The following KAZN variants were observed in gnomAD, a reference collection of about 807,000 sequenced individuals.
KAZN encodes kazrin, periplakin interacting protein, also known as kazrin.
Under a neutral mutation model 87.4 loss-of-function variants are expected in KAZN, and 40 were observed. The ratio of observed to expected loss-of-function variants is 0.46; its 90% CI spans 0.36 to 0.60. KAZN has a LOEUF of 0.60. KAZN is among the 20% of genes least tolerant of loss of function. KAZN has a pLI of 0.00. For synonymous variants in KAZN, 466 were observed against 458.3 expected, an observed-to-expected ratio of 1.02 and a Z score of -0.22; for missense variants, 898 against 1,073.9, an observed-to-expected ratio of 0.84 and a Z score of 2.29.
Position 14,797,520 on chromosome 1 carries a change from C to T in KAZN, c.227-163164C>T, listed in dbSNP as rs1162558449. On this transcript the variant is annotated intron_variant, in intron 1 of 14. Coordinates refer to ENST00000376030, the MANE Select transcript of KAZN (RefSeq NM_201628.3). ...TGTTGGAACCAAGAATGTTAAAAGG[C>T]CAAGTGAAGAGTTAAAGAGTTAAAA... Among the ~76,000 whole-genome samples the T allele has an allele frequency of 5.3e-5, 8 of 152,232 alleles. 1 individual carries two copies. The South Asian group carries it at 1.5e-3, about 28-fold the overall frequency.
intron 2 of KAZN, among the ~76,000 whole-genome samples, chr1:14,249,871 A>G: frequency 6.6e-6 from 1 of 151,500 alleles, no homozygotes; most frequent in East Asian, 1.9e-4. Context: ...ACTAAGTGAA[A>G]AAAAAAACAG....
chr1:14,108,966 G>T (rs1460543976), intron 1 of KAZN, among the ~76,000 whole-genome samples: 1 of 152,200 alleles, frequency 6.6e-6, no homozygotes, highest in East Asian at 1.9e-4. Flanking sequence ...AAAATCGTGT[G>T]TATGAGTGTT....
chr1:14,509,908 C>T (rs1670810241), intron 2 of KAZN, among the ~76,000 whole-genome samples: 1 of 152,124 alleles, frequency 6.6e-6, no homozygotes, highest in Non-Finnish European at 1.5e-5. Flanking sequence ...ATGGAGCAAG[C>T]CATGCAAAAG....
At chr1:14,701,074 C>G (rs1641894394) in intron 1 of KAZN, among the ~76,000 whole-genome samples, 1 of 152,194 alleles carries the variant, frequency 6.6e-6, no homozygotes, top group Non-Finnish European at 1.5e-5. Context: ...TGGCCCCCAC[C>G]ATGCTCATTA....
intron 2 of KAZN, among the ~76,000 whole-genome samples, chr1:14,500,670 T>C (rs114871508): frequency 0.019 from 2,824 of 151,988 alleles, 50 homozygotes; most frequent in African/African-American, 0.031. Context: ...GTGGGTTCTT[T>C]CAAAAGATCA....
At chr1:14,400,665 T>C (rs2101131010) in intron 2 of KAZN, among the ~76,000 whole-genome samples, 1 of 152,296 alleles carries the variant, frequency 6.6e-6, no homozygotes, top group African/African-American at 2.4e-5. Context: ...AAGTATGTAA[T>C]GTGGAAGCTT....
chr1:14,722,586 T>A (rs925053668), intron 1 of KAZN, among the ~76,000 whole-genome samples: 3 of 152,234 alleles, frequency 2.0e-5, no homozygotes, highest in Non-Finnish European at 4.4e-5. Context: ...CCAATGAGCA[T>A]ACCTTTGTAA....
intron 1 of KAZN, among the ~76,000 whole-genome samples, chr1:14,669,008 G>A (rs1639748863): frequency 6.6e-6 from 1 of 152,200 alleles, no homozygotes; most frequent in African/African-American, 2.4e-5. Context: ...TGGACAAAGG[G>A]GGATTTTCAA....
At chr1:14,808,500 G>A (rs1646299698) in intron 1 of KAZN, among the ~76,000 whole-genome samples, 1 of 150,958 alleles carries the variant, frequency 6.6e-6, no homozygotes, top group Non-Finnish European at 1.5e-5. Flanking sequence ...GTTTCACCAT[G>A]TTGGCTGGGC....
intron 1 of KAZN, among the ~76,000 whole-genome samples, chr1:14,058,688 C>T (rs1642673808): frequency 6.6e-6 from 1 of 152,100 alleles, no homozygotes; most frequent in Admixed American, 6.5e-5. Context: ...AACAAATAAA[C>T]TGTGGTGTAT....
chr1:13,982,447 C>T (rs1213415225), intron 1 of KAZN, among the ~76,000 whole-genome samples: 1 of 152,186 alleles, frequency 6.6e-6, no homozygotes, highest in Non-Finnish European at 1.5e-5. Flanking sequence ...CTGAGTGTTA[C>T]AGCTCATAAA....
intron 1 of KAZN, among the ~76,000 whole-genome samples, chr1:13,914,014 C>T (rs1029750868): frequency 6.6e-6 from 1 of 152,182 alleles, no homozygotes; most frequent in Non-Finnish European, 1.5e-5. Flanking sequence ...GGGTGAGGCC[C>T]GGTAATCCGA....
chr1:14,768,042 C>A (rs989979885), intron 1 of KAZN, among the ~76,000 whole-genome samples: 1 of 152,090 alleles, frequency 6.6e-6, no homozygotes, highest in Non-Finnish European at 1.5e-5. Context: ...TTAATGCACG[C>A]GTATGTCGCC....
At chr1:14,958,787 C>G (rs1663486786) in intron 1 of KAZN, among the ~76,000 whole-genome samples, 1 of 152,202 alleles carries the variant, frequency 6.6e-6, no homozygotes, top group African/African-American at 2.4e-5. Flanking sequence ...GCCCTTGGCC[C>G]CTCCCCTGGT....
At position 13,901,592 on chromosome 1, in the gene KAZN, AG is replaced by A. The variant is rs537919149; in HGVS notation, c.91+7838del. ...ACCAATGAAAGGTTTGAAATTCCAG[AG>A]GCCAAACTCTCCAGCTGCGTCCTGC... On this transcript the variant is annotated intron_variant, in intron 1 of 16. Transcript: ENST00000636203. 2.0e-4 allele frequency among the ~76,000 whole-genome samples: 30 copies of A among 152,362 alleles called. No homozygotes were observed. The East Asian group carries it at 5.6e-3, about 28-fold the overall frequency.
rs189182628 is a variant in KAZN, at chr1:14,617,491, T to C, written c.226+18268T>C. Among the ~76,000 whole-genome samples the C allele has an allele frequency of 3.9e-5, 6 of 152,262 alleles. No individual in the cohort carries two copies. In the East Asian group the frequency reaches 1.2e-3, roughly 29 times the overall value. On this transcript the variant is annotated intron_variant, in intron 1 of 14. Coordinates refer to ENST00000376030, the MANE Select transcript of KAZN (RefSeq NM_201628.3). The stretch of plus-strand genomic sequence containing the variant: ...GAGGGGTTACCACAAACCTTTGATT[T>C]GTAAAAAACAAAAACAAAAACAAAA...
At chr1:14,151,388 T>A (rs559302001) in intron 1 of KAZN, among the ~76,000 whole-genome samples, 1 of 152,326 alleles carries the variant, frequency 6.6e-6, no homozygotes, top group South Asian at 2.1e-4. Context: ...ATTCATTTTC[T>A]GAGAGCAAGC....
At chr1:14,974,993 T>C (rs1026088811) in intron 2 of KAZN, among the ~76,000 whole-genome samples, 27 of 152,346 alleles carry the variant, frequency 1.8e-4, no homozygotes, top group African/African-American at 6.3e-4. Context: ...GTCCTGCGGA[T>C]AGAGCATTGT....
At chr1:15,072,027 C>A (rs1301269305) in intron 8 of KAZN, among the ~76,000 whole-genome samples, 1 of 152,134 alleles carries the variant, frequency 6.6e-6, no homozygotes, top group Non-Finnish European at 1.5e-5. Context: ...TCCAGAGGAC[C>A]CTTGTAGCCC....
Sources: gnomAD v4.1 joint callset for allele counts (sites outside exome capture counted in the v4.1 genomes callset) on GRCh38, gnomAD v4.1.1 for gene constraint, MANE v1.5 for transcripts, NCBI Gene and HGNC (gene_info 2026-07-23, HGNC 2026-07-21) for gene names.